NUFIP1: variants seen among roughly 807,000 people sequenced by gnomAD.
NUFIP1 encodes the protein FMR1-interacting protein NUFIP1.
A neutral mutation model predicts 56.2 loss-of-function variants in NUFIP1; 38 were observed. The observed-to-expected ratio is 0.68, with a 90% confidence interval of 0.52 to 0.89. NUFIP1 has a LOEUF of 0.89. Ranked by LOEUF, NUFIP1 falls within the 40% of genes least tolerant of loss-of-function variation. The pLI is 0.00. For missense variants in NUFIP1, 567 were observed against 605.8 expected, an observed-to-expected ratio of 0.94 and a Z score of 0.67; for synonymous variants, 215 against 212.4, an observed-to-expected ratio of 1.01 and a Z score of -0.10.
At chr13:44,978,152 G>C (rs1593369306) in intron 5 of NUFIP1, among the ~76,000 whole-genome samples, 1 of 152,296 alleles carries the variant, frequency 6.6e-6, no homozygotes, top group Admixed American at 6.5e-5. Context: ...TTTATTCTCA[G>C]TTCTGAATCT....
At position 44,939,704 on chromosome 13, in the gene NUFIP1, G is replaced by A. The variant is rs1372566229; in HGVS notation, c.*1502C>T. ...AAGACTGTCAGACATACAGCCAAGG[G>A]AGTACTCAGGAGTATTTTCAGTCCT... On this transcript the variant is annotated 3_prime_UTR_variant, in exon 10 of 10. Transcript: ENST00000379161. 4.6e-5 allele frequency: 7 copies of A among 152,234 alleles called. 1 individual carries two copies. In the Middle Eastern group the frequency reaches 0.01, roughly 223 times the overall value. 9.4% of individuals were successfully genotyped at this position (152,234 alleles called of 1,614,324 possible).
Position 44,941,246 on chromosome 13 carries a change from A to T in NUFIP1, c.1448T>A (p.Phe483Tyr), listed in dbSNP as rs1351705233. Reference protein sequence around the residue: ...CVRYIIKKDFFGLDTNSAKSK... With the variant: ...CVRYIIKKDFYGLDTNSAKSK... ...TTTCGCAGAATTAGTATCCAGTCCA[A>T]AAAAGTCTTTTTTGATGATGTACCG... Residue 483 changes from phenylalanine to tyrosine, a missense_variant, in exon 10 of 10, where the codon TTT becomes TAT. Physicochemically the swap from Phe to Tyr is conservative, Grantham distance 22 (BLOSUM62 3). Coordinates refer to ENST00000379161, the MANE Select transcript of NUFIP1 (RefSeq NM_012345.3). 2 of 1,611,360 alleles carry T rather than the reference A, an allele frequency of 1.2e-6. No individual in the cohort carries two copies. The highest frequency in any genetic ancestry group is 4.5e-5 in the East Asian group (2 of 44,758).
At chr13:44,983,160 G>A (rs534179197) in intron 1 of NUFIP1, among the ~76,000 whole-genome samples, 1 of 151,896 alleles carries the variant, frequency 6.6e-6, no homozygotes, top group Admixed American at 6.6e-5. Flanking sequence ...AGCTGACCCT[G>A]TCTCTTATTT....
chr13:44,981,665 G>T (rs1566064874), intron 2 of NUFIP1, among the ~76,000 whole-genome samples: 1 of 152,072 alleles, frequency 6.6e-6, no homozygotes, highest in African/African-American at 2.4e-5. Flanking sequence ...ACAAAAATTA[G>T]CCAGGTGTGG....
At chr13:44,941,809 G>A (rs9534008) in intron 9 of NUFIP1, among the ~76,000 whole-genome samples, 101,218 of 152,154 alleles carry the variant, frequency 0.67, 36,798 homozygotes, top group Non-Finnish European at 0.81. Flanking sequence ...CACCATGCCC[G>A]GCCAAGACAA....
intron 6 of NUFIP1, among the ~76,000 whole-genome samples, chr13:44,965,349 G>A (rs763658592): frequency 1.2e-4 from 19 of 152,240 alleles, no homozygotes; most frequent in Middle Eastern, 3.4e-3. Flanking sequence ...TATCAGCAGC[G>A]TGAAAATGGA....
intron 5 of NUFIP1, among the ~76,000 whole-genome samples, chr13:44,967,297 CA>C (rs1328092543): frequency 6.6e-6 from 1 of 151,982 alleles, no homozygotes; most frequent in African/African-American, 2.4e-5. Flanking sequence ...TTTGGGAGGT[CA>C]GGAGTTCGAG....
rs751458374 is a variant in NUFIP1, at chr13:44,949,879, T to C, written c.1022-41A>G. On this transcript the variant is annotated intron_variant, in intron 7 of 9. Coordinates refer to ENST00000379161, the MANE Select transcript of NUFIP1 (RefSeq NM_012345.3). ...GTCAGATTCAAAACATCTACCACCA[T>C]AAAAAAGCTGTCCATCCCCCATTCC... 5 of 1,302,498 alleles carry C rather than the reference T, an allele frequency of 3.8e-6. No homozygotes were observed. The South Asian group carries it at 5.9e-5, about 15-fold the overall frequency. 80.7% of individuals were successfully genotyped at this position (1,302,498 alleles called of 1,614,324 possible). A position where few individuals can be genotyped will look rare whatever the true frequency, so the allele number is the denominator to read the frequency against.
Position 44,946,391 on chromosome 13 carries a change from A to G in NUFIP1, c.1139-2717T>C, listed in dbSNP as rs78905829. 2.5e-4 allele frequency among the ~76,000 whole-genome samples: 38 copies of G among 152,236 alleles called. No individual in the cohort carries two copies. In the East Asian group the frequency reaches 6.9e-3, roughly 28 times the overall value. The stretch of plus-strand genomic sequence containing the variant: ...AGTCTTTAATTTGGAAATCTCCCCC[A>G]TTATAGCCAAATCAGTTTGAGGAAA... On this transcript the variant is annotated intron_variant, in intron 8 of 9. Coordinates refer to ENST00000379161, the MANE Select transcript of NUFIP1 (RefSeq NM_012345.3).
chr13:44,942,654 CTTTG>C (rs1870779633), intron 9 of NUFIP1, among the ~76,000 whole-genome samples: 1 of 152,058 alleles, frequency 6.6e-6, no homozygotes, highest in Admixed American at 6.5e-5. Context: ...ACATGAAAAT[CTTTG>C]ATTTTCAAAC....
chr13:44,985,623 G>C (rs192960840), intron 1 of NUFIP1, among the ~76,000 whole-genome samples: 1 of 152,242 alleles, frequency 6.6e-6, no homozygotes, highest in Admixed American at 6.5e-5. Flanking sequence ...TGTGATCAGT[G>C]ATCTTTGATG....
chr13:44,961,130 G>A (rs915824958), intron 6 of NUFIP1, among the ~76,000 whole-genome samples: 12 of 152,050 alleles, frequency 7.9e-5, no homozygotes, highest in African/African-American at 2.9e-4. Context: ...GTGTGCGGGG[G>A]CGGGGAAGAC....
intron 9 of NUFIP1, among the ~76,000 whole-genome samples, chr13:44,942,313 T>C (rs1371418930): frequency 6.6e-6 from 1 of 152,146 alleles, no homozygotes; most frequent in East Asian, 1.9e-4. Flanking sequence ...CACATGTAGT[T>C]TGCCAAAAAG....
chr13:44,954,500 A>C (rs1377064606), intron 7 of NUFIP1, among the ~76,000 whole-genome samples: 1 of 152,170 alleles, frequency 6.6e-6, no homozygotes, highest in South Asian at 2.1e-4. Flanking sequence ...CACTGAAAGG[A>C]AAGTAGCAAA....
chr13:44,956,309 G>A (rs1871242971), intron 7 of NUFIP1, among the ~76,000 whole-genome samples: 2 of 151,966 alleles, frequency 1.3e-5, no homozygotes, highest in African/African-American at 4.8e-5. Context: ...AGCTATACCT[G>A]CAGTGAAAAG....
intron 5 of NUFIP1, among the ~76,000 whole-genome samples, chr13:44,972,025 C>G (rs1166806839): frequency 6.6e-6 from 1 of 152,106 alleles, no homozygotes; most frequent in Non-Finnish European, 1.5e-5. Flanking sequence ...TGCACCCTAC[C>G]ATCTCCTTTT....
intron 7 of NUFIP1, among the ~76,000 whole-genome samples, chr13:44,953,774 T>C (rs73480186): frequency 0.011 from 1,705 of 152,290 alleles, 17 homozygotes; most frequent in Middle Eastern, 0.044. Flanking sequence ...TGGAGAATAG[T>C]ATTTGGAAAC....
At chr13:44,963,268 T>C (rs1194954802) in intron 6 of NUFIP1, among the ~76,000 whole-genome samples, 1 of 152,222 alleles carries the variant, frequency 6.6e-6, no homozygotes, top group Admixed American at 6.5e-5. Context: ...TGCACATCTT[T>C]TGTTAGGTTT....
chr13:44,980,449 A>T (rs1872147803), intron 3 of NUFIP1, among the ~76,000 whole-genome samples: 2 of 152,192 alleles, frequency 1.3e-5, no homozygotes, highest in Admixed American at 1.3e-4. Flanking sequence ...AGGTAACTAG[A>T]GGAGAGGACA....
Sources: allele counts gnomAD v4.1 joint callset (sites outside exome capture counted in the v4.1 genomes callset), GRCh38; gene constraint gnomAD v4.1.1; transcripts MANE v1.5; gene names NCBI Gene and HGNC (gene_info 2026-07-23, HGNC 2026-07-21).